Variants in LAMA5 observed in about 807,000 individuals in gnomAD.
The protein encoded by LAMA5 is laminin subunit alpha-5.
In LAMA5, 260 loss-of-function variants were observed where a neutral mutation model predicts 433.4. The observed-to-expected ratio is 0.60, with a 90% CI of 0.54 to 0.66. LAMA5 has a LOEUF of 0.66. Ranked by LOEUF, LAMA5 falls within the 30% of genes least tolerant of loss-of-function variation. The probability of loss-of-function intolerance (pLI) is 0.00; values close to 1 mark genes in which losing one functional copy is unlikely to be tolerated. For synonymous variants in LAMA5, 2,620 were observed against 2,226.6 expected (o/e 1.18, Z -4.97); for missense variants, 5,378 against 5,258.5 (o/e 1.02, Z -0.70).
At chr20:62,328,035 C>T in intron 35 of LAMA5, 25 bp from the exon 36 acceptor site, 3 of 1,609,814 alleles carry the variant, frequency 1.9e-6, no homozygotes, top group Non-Finnish European at 1.7e-6. Context: ...GGAGCTGAGC[C>T]CCCTCCACCC....
chr20:62,321,163 G>A (rs942553610), intron 48 of LAMA5, among the ~76,000 whole-genome samples: 33 of 134,828 alleles, frequency 2.4e-4, no homozygotes, highest in African/African-American at 8.0e-4. Context: ...GTGAAGGGGC[G>A]GGGCCGGTGG....
chr20:62,356,777 CTG>C (rs1311244980), intron 2 of LAMA5, among the ~76,000 whole-genome samples: 5 of 152,332 alleles, frequency 3.3e-5, no homozygotes, highest in South Asian at 4.1e-4. Context: ...GTGGGAAGAG[CTG>C]CAGAGAGGGG....
chr20:62,314,346 T>C lies in LAMA5; in HGVS notation c.8462A>G (p.Asp2821Gly). Residue 2821 changes from aspartate to glycine, a missense_variant, in exon 62 of 80, where the codon GAT (aspartate) becomes GGT (glycine). Asp to Gly is a moderately conservative substitution (Grantham distance 94, BLOSUM62 -1). Transcript: ENST00000252999. ...GEAGPAVLSI[D>G]EDIGEQFAAV... is the part of the protein sequence containing the mutation. ...TGCGAACTGCTCCCCAATGTCCTCA[T>C]CGATGCTTAGGACTGCAGGGCCCGC... 6.2e-7 allele frequency: 1 copy of C among 1,613,294 alleles called. No homozygotes were observed. The highest frequency in any genetic ancestry group is 8.5e-7 in the Non-Finnish European group (1 of 1,179,888).
rs751389973 is a variant in LAMA5, at chr20:62,362,376, C to T, written c.450+24G>A. Reference sequence around the variant, plus strand: ...GGCACAGACACAGAGATGGGGGCTGCAGCACGCAAAGAAGGGTCCCTACCT... The same window carrying T: ...GGCACAGACACAGAGATGGGGGCTGTAGCACGCAAAGAAGGGTCCCTACCT... On this transcript the variant is annotated intron_variant, in intron 2 of 79. Transcript: ENST00000252999. 6 of 1,477,784 alleles carry T rather than the reference C, an allele frequency of 4.1e-6. No individual in the cohort carries two copies. The East Asian group carries it at 1.3e-4, about 32-fold the overall frequency. 91.5% of individuals were successfully genotyped at this position (1,477,784 alleles called of 1,614,324 possible).
In LAMA5 at chr20:62,337,855, T is replaced by A; in HGVS notation, c.1975A>T (p.Thr659Ser). ...LCRCRPGYTG[T>S]ACQECSPGFH... ...CCGGGGCTGCATTCCTGGCAGGCAGTGCCTGTGTAGCCGGGGCGGCAGCGG... is the reference window on the plus strand; with the variant it reads ...CCGGGGCTGCATTCCTGGCAGGCAGAGCCTGTGTAGCCGGGGCGGCAGCGG... The change falls in exon 15 of 80, where the codon ACT (threonine) becomes TCT (serine). Residue 659 changes from threonine to serine, a missense_variant. Physicochemically the swap from Thr to Ser is moderately conservative, Grantham distance 58. Coordinates refer to ENST00000252999, the MANE Select transcript of LAMA5 (RefSeq NM_005560.6). 6.2e-7 allele frequency: 1 copy of A among 1,612,722 alleles called. No homozygotes were observed.
intron 11 of LAMA5, among the ~76,000 whole-genome samples, chr20:62,345,250 G>GC (rs1420664369): frequency 6.6e-6 from 1 of 151,516 alleles, no homozygotes; most frequent in African/African-American, 2.4e-5. Flanking sequence ...TGATCCACCT[G>GC]CCTTGGCCTC....
intron 1 of LAMA5, among the ~76,000 whole-genome samples, chr20:62,365,426 G>A (rs918028794): frequency 6.6e-6 from 1 of 152,226 alleles, no homozygotes; most frequent in Non-Finnish European, 1.5e-5. Context: ...CTCACGAGAC[G>A]GGGGTAATAA....
chr20:62,362,381 C>T lies in LAMA5; in HGVS notation c.450+19G>A, dbSNP rs114290713. The T allele has an allele frequency of 0.058, 85,511 of 1,481,780 alleles. 3,075 individuals carry two copies. Among genetic ancestry groups the T allele is most frequent in the South Asian group, 0.15 (11,106 of 72,516 alleles). The allele number at this position is 1,481,780 out of a possible 1,614,324, so 91.8% of individuals were successfully genotyped here. A position where few individuals can be genotyped will look rare whatever the true frequency, so the allele number is the denominator to read the frequency against. On this transcript the variant is annotated intron_variant, in intron 2 of 79. Coordinates refer to ENST00000252999, the MANE Select transcript of LAMA5 (RefSeq NM_005560.6). ...AGACACAGAGATGGGGGCTGCAGCACGCAAAGAAGGGTCCCTACCTGGCCC... is the reference window on the plus strand; with the variant it reads ...AGACACAGAGATGGGGGCTGCAGCATGCAAAGAAGGGTCCCTACCTGGCCC...
At position 62,310,381 on chromosome 20, in the gene LAMA5, C is replaced by T. The variant is rs938616885; in HGVS notation, c.10600+38G>A. 5 of 1,573,240 alleles carry T rather than the reference C, an allele frequency of 3.2e-6. No individual in the cohort carries two copies. The East Asian group carries it at 8.9e-5, about 28-fold the overall frequency. ...CCAGAACCTCCTGGAGCCCCCTGCC[C>T]TGCCCTGCTGAGGCCTGGGATGCCA... On this transcript the variant is annotated intron_variant, in intron 76 of 79. Coordinates refer to ENST00000252999, the MANE Select transcript of LAMA5 (RefSeq NM_005560.6).
rs369570106 is a variant in LAMA5, at chr20:62,335,002, C to T, written c.2482+19G>A. The T allele has an allele frequency of 5.7e-5, 91 of 1,603,378 alleles. 1 individual carries two copies. In the Middle Eastern group the frequency reaches 8.3e-4, roughly 15 times the overall value. On this transcript the variant is annotated intron_variant, in intron 20 of 79. Transcript: ENST00000252999. Reference sequence around the variant, plus strand: ...GGGGAGGCAGGGCTGTGGTCTGGGACGAGCGAGTGGGCACTCACTGCGGCA... The same window carrying T: ...GGGGAGGCAGGGCTGTGGTCTGGGATGAGCGAGTGGGCACTCACTGCGGCA...
At chr20:62,319,834 G>A (rs779202746) in intron 50 of LAMA5, 39 bp from the exon 51 acceptor site, 4 of 1,492,398 alleles carry the variant, frequency 2.7e-6, no homozygotes, top group Non-Finnish European at 3.6e-6. Flanking sequence ...CTGCTGGTAG[G>A]CGAGGGTCGG....
chr20:62,329,358 GGCA>G, intron 32 of LAMA5, 105 bp from the exon 33 acceptor site: 1 of 818,880 alleles, frequency 1.2e-6, no homozygotes, highest in Non-Finnish European at 1.9e-6. Flanking sequence ...TCAGAGTCCT[GGCA>G]GCAGCAGCCC....
At chr20:62,361,022 C>T (rs896341027) in intron 2 of LAMA5, among the ~76,000 whole-genome samples, 5 of 152,114 alleles carry the variant, frequency 3.3e-5, no homozygotes, top group African/African-American at 1.2e-4. Context: ...CATCTCCCCT[C>T]CCCCAGCCCA....
Position 62,319,790 on chromosome 20 carries a change from C to G in LAMA5, c.6765G>C (p.Val2255=). Residue 2255 remains valine, a synonymous_variant, in exon 51 of 80, where the codon GTG becomes GTC. Coordinates refer to ENST00000252999, the MANE Select transcript of LAMA5 (RefSeq NM_005560.6). ...QDARRLGGQA[V]GTRDQASQLL... The stretch of plus-strand genomic sequence containing the variant: ...ATTGGCTCGCCTGGTCTCGGGTCCC[C>G]ACGGCCTGTGGAGGAAGAGCCCACT... 1 of 1,545,388 alleles carries G rather than the reference C, an allele frequency of 6.5e-7. No homozygotes were observed. Among genetic ancestry groups the G allele is most frequent in the Non-Finnish European group, 8.7e-7 (1 of 1,145,718 alleles).
chr20:62,351,607 A>T, intron 6 of LAMA5, 97 bp downstream of exon 6: 1 of 1,176,492 alleles, frequency 8.5e-7, no homozygotes, highest in Non-Finnish European at 1.2e-6. Context: ...CCATGGAACC[A>T]GGTCACCCAC....
rs141366753 is a variant in LAMA5 at position 62,312,932 on chromosome 20, C to A, written c.9034G>T (p.Val3012Phe). The A allele has an allele frequency of 3.8e-6, 6 of 1,580,244 alleles. No individual in the cohort carries two copies. Among genetic ancestry groups the A allele is most frequent in the Non-Finnish European group, 5.2e-6 (6 of 1,160,998 alleles). The change falls in exon 66 of 80, where the codon GTC (valine) becomes TTC (phenylalanine). Residue 3012 changes from valine to phenylalanine, a missense_variant. Coordinates refer to ENST00000252999, the MANE Select transcript of LAMA5 (RefSeq NM_005560.6). ...YDFGAGLKKA[V>F]PLQPPPPLTS... ...AGGGGCGGTGGGGGCTGCAGTGGGA[C>A]GGCCTTTTTCAGGCCAGCCCCAAAG...
At chr20:62,311,883 C>T in intron 70 of LAMA5, 37 bp downstream of exon 70, 3 of 1,590,792 alleles carry the variant, frequency 1.9e-6, no homozygotes, top group Middle Eastern at 1.7e-4. Flanking sequence ...GGCGTCCCTC[C>T]AGACCTTCAC....
chr20:62,348,615 A>G (rs1196035365), intron 6 of LAMA5, among the ~76,000 whole-genome samples: 1 of 152,148 alleles, frequency 6.6e-6, no homozygotes. Flanking sequence ...TCAAAAAAGA[A>G]TAAAATAAAA....
intron 20 of LAMA5, 141 bp downstream of exon 20, chr20:62,334,880 C>G: frequency 1.3e-6 from 1 of 795,008 alleles, no homozygotes; most frequent in Non-Finnish European, 2.0e-6. Flanking sequence ...CACCCTGGCA[C>G]AGGCTGGCAC....
Sources: allele counts gnomAD v4.1 joint callset (sites outside exome capture counted in the v4.1 genomes callset), GRCh38; gene constraint gnomAD v4.1.1; transcripts MANE v1.5; gene names NCBI Gene and HGNC (gene_info 2026-07-23, HGNC 2026-07-21).